PHACTR3: variants seen among roughly 807,000 people sequenced by gnomAD.
PHACTR3 encodes phosphatase and actin regulator 3.
Under a neutral mutation model 66.8 loss-of-function variants are expected in PHACTR3, and 16 were observed. The observed-to-expected ratio is 0.24, with a 90% CI of 0.16 to 0.36. PHACTR3 has a LOEUF of 0.36. PHACTR3 is among the 10% of genes least tolerant of loss of function. The probability of loss-of-function intolerance (pLI) is 1.00; values close to 1 mark genes in which losing one functional copy is unlikely to be tolerated. For missense variants in PHACTR3, 647 were observed against 719.9 expected (o/e 0.90, Z 1.16); for synonymous variants, 323 against 292.1 (o/e 1.11, Z -1.08).
intron 1 of PHACTR3, among the ~76,000 whole-genome samples, chr20:59,716,856 C>T (rs142659180): frequency 6.6e-6 from 1 of 152,308 alleles, no homozygotes; most frequent in East Asian, 1.9e-4. Context: ...ATGCGCCTTG[C>T]TCTCCTTCCT....
intron 7 of PHACTR3, among the ~76,000 whole-genome samples, chr20:59,775,729 C>T (rs544990770): frequency 2.0e-5 from 3 of 152,296 alleles, no homozygotes; most frequent in African/African-American, 4.8e-5. Context: ...TGTTCCCAAA[C>T]TCGTTAGGCC....
chr20:59,618,803 A>C (rs1023139600), intron 1 of PHACTR3, among the ~76,000 whole-genome samples: 37 of 151,744 alleles, frequency 2.4e-4, no homozygotes, highest in African/African-American at 8.2e-4. Flanking sequence ...GTGCTGTCTC[A>C]CCCTGAGCAG....
chr20:59,668,947 C>T (rs1054011797), intron 1 of PHACTR3, among the ~76,000 whole-genome samples: 1 of 145,742 alleles, frequency 6.9e-6, no homozygotes, highest in Non-Finnish European at 1.5e-5. Flanking sequence ...AGGGTTTCAC[C>T]ATGTCGGCCA....
chr20:59,794,079 G>C (rs2041180705), intron 7 of PHACTR3, among the ~76,000 whole-genome samples: 1 of 139,266 alleles, frequency 7.2e-6, no homozygotes, highest in South Asian at 2.2e-4. Context: ...AGCCAAGATT[G>C]TGCCACTGCA....
At chr20:59,711,056 G>T (rs1463148286) in intron 1 of PHACTR3, among the ~76,000 whole-genome samples, 1 of 151,948 alleles carries the variant, frequency 6.6e-6, no homozygotes, top group Non-Finnish European at 1.5e-5. Flanking sequence ...CATATATACA[G>T]AAAATATTTA....
chr20:59,606,827 G>A (rs2146336251), intron 1 of PHACTR3, among the ~76,000 whole-genome samples: 1 of 152,284 alleles, frequency 6.6e-6, no homozygotes, highest in East Asian at 1.9e-4. Flanking sequence ...ATGCGTGGGA[G>A]GGCACAGGCT....
intron 1 of PHACTR3, among the ~76,000 whole-genome samples, chr20:59,732,790 C>T (rs1400589316): frequency 1.3e-5 from 2 of 152,170 alleles, no homozygotes; most frequent in Non-Finnish European, 2.9e-5. Context: ...TTCATTTATT[C>T]ACTCGCTCAC....
intron 1 of PHACTR3, among the ~76,000 whole-genome samples, chr20:59,612,890 G>C (rs2033902209): frequency 6.6e-6 from 1 of 152,208 alleles, no homozygotes; most frequent in Non-Finnish European, 1.5e-5. Flanking sequence ...TCCAATTATG[G>C]CAGAAGGCAA....
intron 3 of PHACTR3, among the ~76,000 whole-genome samples, chr20:59,750,232 G>T (rs1255623562): frequency 1.3e-5 from 2 of 151,990 alleles, no homozygotes; most frequent in Non-Finnish European, 2.9e-5. Flanking sequence ...GGGGGGCCGG[G>T]AGATGTTTGA....
intron 1 of PHACTR3, among the ~76,000 whole-genome samples, chr20:59,725,469 G>T (rs1314350533): frequency 6.6e-6 from 1 of 152,034 alleles, no homozygotes; most frequent in East Asian, 1.9e-4. Context: ...AACCCAGGTG[G>T]GCTGTGAGCT....
intron 1 of PHACTR3, among the ~76,000 whole-genome samples, chr20:59,641,890 T>G (rs554294389): frequency 6.6e-6 from 1 of 152,346 alleles, no homozygotes; most frequent in East Asian, 1.9e-4. Context: ...TTTTATTAAT[T>G]GCTCTTCTAT....
At chr20:59,787,100 G>T (rs2040941751) in intron 7 of PHACTR3, among the ~76,000 whole-genome samples, 1 of 152,246 alleles carries the variant, frequency 6.6e-6, no homozygotes, top group South Asian at 2.1e-4. Flanking sequence ...CCATGTCCCA[G>T]TGCTGGCCTA....
intron 6 of PHACTR3, among the ~76,000 whole-genome samples, chr20:59,774,005 A>G (rs544730155): frequency 6.6e-6 from 1 of 152,342 alleles, no homozygotes; most frequent in African/African-American, 2.4e-5. Context: ...GATTGCATGT[A>G]TTTTGGCAGG....
intron 8 of PHACTR3, among the ~76,000 whole-genome samples, chr20:59,817,917 A>G (rs1304322041): frequency 6.6e-6 from 1 of 152,168 alleles, no homozygotes. Flanking sequence ...GTATTGGGAG[A>G]AGTACATGTT....
At chr20:59,621,024 C>T (rs1355129633) in intron 1 of PHACTR3, among the ~76,000 whole-genome samples, 9 of 152,210 alleles carry the variant, frequency 5.9e-5, no homozygotes, top group Admixed American at 1.3e-4. Context: ...CTGTCCCAGA[C>T]GTGGCCACTG....
intron 1 of PHACTR3, among the ~76,000 whole-genome samples, chr20:59,629,701 G>A (rs191186353): frequency 1.8e-4 from 27 of 152,334 alleles, no homozygotes; most frequent in African/African-American, 6.3e-4. Flanking sequence ...AATAAACACG[G>A]TTGCCTCTCT....
chr20:59,605,482 G>A lies in PHACTR3; in HGVS notation c.118+350G>A, dbSNP rs372482471. On this transcript the variant is annotated intron_variant, in intron 1 of 12. Coordinates refer to ENST00000371015, the MANE Select transcript of PHACTR3 (RefSeq NM_080672.5). ...CGCCTCCGCCCAGCGCCGGTTCTGG[G>A]CCATTCCCTCCCTCCCCACTGCCGG... 6.7e-3 allele frequency among the ~76,000 whole-genome samples: 1,016 copies of A among 152,328 alleles called. 20 individuals are homozygous for A. Among genetic ancestry groups the A allele is most frequent in the African/African-American group, 0.023 (952 of 41,578 alleles).
chr20:59,840,003 T>A (rs1305096540), intron 9 of PHACTR3, among the ~76,000 whole-genome samples: 1 of 152,222 alleles, frequency 6.6e-6, no homozygotes, highest in African/African-American at 2.4e-5. Context: ...TACAGCTTTT[T>A]TTATGTGGCA....
chr20:59,634,496 TGAG>T (rs2034779001), intron 1 of PHACTR3, among the ~76,000 whole-genome samples: 2 of 152,314 alleles, frequency 1.3e-5, no homozygotes, highest in African/African-American at 4.8e-5. Flanking sequence ...CAGCATGGAA[TGAG>T]GAGGAGCAAG....
Sources: gnomAD v4.1 joint callset for allele counts (sites outside exome capture counted in the v4.1 genomes callset) on GRCh38, gnomAD v4.1.1 for gene constraint, MANE v1.5 for transcripts, NCBI Gene and HGNC (gene_info 2026-07-23, HGNC 2026-07-21) for gene names.